Variants in CNTN3 observed in about 807,000 individuals in gnomAD.
CNTN3 encodes contactin-3.
CNTN3 carries 60 observed loss-of-function variants against 119.1 expected under a neutral mutation model. That is an observed-to-expected ratio of 0.50 (90% confidence interval 0.41 to 0.62). CNTN3 has a LOEUF of 0.62. Ranked by LOEUF, CNTN3 falls within the 20% of genes least tolerant of loss-of-function variation. The pLI, the probability that CNTN3 is intolerant of heterozygous loss-of-function variation, is 0.00. For synonymous variants in CNTN3, 450 were observed against 438.7 expected (o/e 1.03, Z -0.32); for missense variants, 1,101 against 1,242.4 (o/e 0.89, Z 1.71).
chr3:74,487,222 C>T (rs940450138), intron 3 of CNTN3, among the ~76,000 whole-genome samples: 1 of 152,108 alleles, frequency 6.6e-6, no homozygotes, highest in Non-Finnish European at 1.5e-5. Flanking sequence ...AAGGCACTAA[C>T]CCCAGAGCCA....
intron 18 of CNTN3, 121 bp downstream of exon 18, chr3:74,297,836 T>C: frequency 1.4e-6 from 1 of 711,426 alleles, no homozygotes; most frequent in Non-Finnish European, 2.3e-6. Flanking sequence ...ATCTAACTAC[T>C]ACCTGGATGA....
At chr3:74,337,375 T>C (rs369363344) in intron 11 of CNTN3, among the ~76,000 whole-genome samples, 16 of 152,256 alleles carry the variant, frequency 1.1e-4, no homozygotes, top group African/African-American at 3.4e-4. Flanking sequence ...TCCACCTTCA[T>C]GGAATAATAT....
intron 20 of CNTN3, among the ~76,000 whole-genome samples, chr3:74,274,508 C>G (rs559370168): frequency 1.3e-5 from 2 of 152,052 alleles, no homozygotes; most frequent in Non-Finnish European, 2.9e-5. Context: ...AGTACAAGCC[C>G]GAGCCTGGTA....
intron 19 of CNTN3, among the ~76,000 whole-genome samples, chr3:74,290,698 T>C (rs189491850): frequency 3.3e-5 from 5 of 152,210 alleles, no homozygotes; most frequent in Admixed American, 2.0e-4. Flanking sequence ...TTATTTTCTT[T>C]TTTTCTTTTT....
At chr3:74,325,867 T>C (rs1430330375) in intron 13 of CNTN3, among the ~76,000 whole-genome samples, 1 of 152,140 alleles carries the variant, frequency 6.6e-6, no homozygotes, top group Non-Finnish European at 1.5e-5. Flanking sequence ...TCTGATCTAC[T>C]AATTTCCTAT....
At chr3:74,457,777 A>G (rs1340476758) in intron 4 of CNTN3, among the ~76,000 whole-genome samples, 1 of 152,058 alleles carries the variant, frequency 6.6e-6, no homozygotes, top group Non-Finnish European at 1.5e-5. Context: ...CAGAGGAGAG[A>G]TAAATTAATA....
intron 4 of CNTN3, among the ~76,000 whole-genome samples, chr3:74,442,900 G>C (rs891006985): frequency 1.3e-5 from 2 of 152,150 alleles, no homozygotes; most frequent in Admixed American, 1.3e-4. Flanking sequence ...CACAGTAAGT[G>C]ACAGATCTGG....
At chr3:74,526,775 C>T (rs79207994) in intron 1 of CNTN3, among the ~76,000 whole-genome samples, 5,621 of 151,940 alleles carry the variant, frequency 0.037, 138 homozygotes, top group South Asian at 0.068. Flanking sequence ...TCATCCCATG[C>T]TCCCATGAAC....
intron 11 of CNTN3, among the ~76,000 whole-genome samples, chr3:74,351,141 C>G (rs1245338243): frequency 6.6e-6 from 1 of 152,194 alleles, no homozygotes; most frequent in Non-Finnish European, 1.5e-5. Flanking sequence ...TTAACAGCAT[C>G]AGAAACCTTT....
intron 1 of CNTN3, among the ~76,000 whole-genome samples, chr3:74,551,906 G>A (rs998148743): frequency 4.0e-5 from 6 of 151,282 alleles, no homozygotes; most frequent in Non-Finnish European, 8.8e-5. Context: ...TGGGATTACA[G>A]GCACATGTCA....
intron 2 of CNTN3, among the ~76,000 whole-genome samples, chr3:74,505,658 T>G (rs868571248): frequency 6.6e-6 from 1 of 151,976 alleles, no homozygotes; most frequent in Non-Finnish European, 1.5e-5. Context: ...TTTTGTCACC[T>G]GCAGCTAAAA....
At chr3:74,584,809 G>C (rs1248400359) in intron 1 of CNTN3, among the ~76,000 whole-genome samples, 1 of 152,078 alleles carries the variant, frequency 6.6e-6, no homozygotes, top group Non-Finnish European at 1.5e-5. Context: ...TGAGAAAACT[G>C]GGGCTTATAG....
At chr3:74,508,129 C>A (rs975368290) in intron 2 of CNTN3, among the ~76,000 whole-genome samples, 3 of 152,124 alleles carry the variant, frequency 2.0e-5, no homozygotes, top group South Asian at 2.1e-4. Flanking sequence ...GTTGAGGTAA[C>A]TGAATTATGC....
At chr3:74,294,153 C>G (rs1198332398) in intron 19 of CNTN3, among the ~76,000 whole-genome samples, 1 of 152,118 alleles carries the variant, frequency 6.6e-6, no homozygotes, top group Non-Finnish European at 1.5e-5. Context: ...CATGCTTCCT[C>G]AGGGAAGCTT....
At chr3:74,349,368 C>T (rs1559558141) in intron 11 of CNTN3, among the ~76,000 whole-genome samples, 1 of 152,098 alleles carries the variant, frequency 6.6e-6, no homozygotes, top group Non-Finnish European at 1.5e-5. Context: ...TTAATCTTGC[C>T]TATTCAGCTC....
intron 1 of CNTN3, among the ~76,000 whole-genome samples, chr3:74,525,054 A>T (rs1193736873): frequency 6.6e-6 from 1 of 151,828 alleles, no homozygotes; most frequent in Non-Finnish European, 1.5e-5. Flanking sequence ...GGTTAACTGC[A>T]AGTTTAATCA....
At position 74,263,804 on chromosome 3, in the gene CNTN3, G is replaced by T. The variant is rs2106734732; in HGVS notation, c.*597C>A. Reference sequence around the variant, plus strand: ...TATAGAGGAATAATTGAGAGGTACAGATGGCAAAGTGATTTGTAAAGTCTT... The same window carrying T: ...TATAGAGGAATAATTGAGAGGTACATATGGCAAAGTGATTTGTAAAGTCTT... On this transcript the variant is annotated 3_prime_UTR_variant, in exon 23 of 23. Transcript: ENST00000263665. 6.6e-6 allele frequency: 1 copy of T among 152,174 alleles called. No homozygotes were observed. Among genetic ancestry groups the T allele is most frequent in the Non-Finnish European group, 1.5e-5 (1 of 67,974 alleles). The allele number at this position is 152,174 out of a possible 1,614,324, so 9.4% of individuals were successfully genotyped here.
chr3:74,310,875 T>G (rs555763521), intron 13 of CNTN3, among the ~76,000 whole-genome samples: 28 of 152,288 alleles, frequency 1.8e-4, no homozygotes, highest in African/African-American at 6.7e-4. Context: ...ATTTTGCACC[T>G]GCCATACTGC....
chr3:74,462,561 G>C (rs768696046), intron 4 of CNTN3, among the ~76,000 whole-genome samples: 19 of 152,064 alleles, frequency 1.2e-4, no homozygotes, highest in Non-Finnish European at 2.8e-4. Context: ...ATATCAGCCA[G>C]TAAATCCCAC....
Sources: allele counts gnomAD v4.1 joint callset (sites outside exome capture counted in the v4.1 genomes callset), GRCh38; gene constraint gnomAD v4.1.1; transcripts MANE v1.5; gene names NCBI Gene and HGNC (gene_info 2026-07-23, HGNC 2026-07-21).